RNASEH2C: variants seen among roughly 807,000 people sequenced by gnomAD.
The protein encoded by RNASEH2C is ribonuclease H2 subunit C.
Under a neutral mutation model 16.3 loss-of-function variants are expected in RNASEH2C, and 20 were observed. That is an observed-to-expected ratio of 1.23 (90% CI 0.86 to 1.79). The LOEUF is 1.79. RNASEH2C is among the 40% of genes most tolerant of loss of function. RNASEH2C has a pLI of 0.00. For synonymous variants in RNASEH2C, 106 were observed against 98.9 expected (o/e 1.07, Z -0.43); for missense variants, 296 against 235.9 (o/e 1.25, Z -1.67).
Position 65,720,311 on chromosome 11 carries a change from C to G in RNASEH2C, c.279G>C (p.Met93Ile). The G allele has an allele frequency of 6.2e-7, 1 of 1,614,156 alleles. No homozygotes were observed. Among genetic ancestry groups the G allele is most frequent in the Non-Finnish European group, 8.5e-7 (1 of 1,180,048 alleles). ...VMVTEEKKVS[M>I]GKPDPLRDSG... is the part of the protein sequence containing the mutation. ...AATCCCGCAAGGGGTCTGGCTTCCC[C>G]ATCGACACCTTCTTCTCTTCTGTCA... Residue 93 changes from methionine (M) to isoleucine (I), a missense_variant, in exon 2 of 4, where the codon ATG (methionine) becomes ATC (isoleucine). Coordinates refer to ENST00000308418, the MANE Select transcript of RNASEH2C (RefSeq NM_032193.4).
chr11:65,720,637 G>T lies in RNASEH2C; in HGVS notation c.122C>A (p.Pro41His). Residue 41 changes from proline to histidine, a missense_variant, in exon 1 of 4, where the codon CCC becomes CAC. Transcript: ENST00000308418. ...LLPCEVAVDG[P>H]APVGRFFTPA... is the part of the protein sequence containing the mutation. Reference sequence around the variant, plus strand: ...CGTGAAGAAGCGCCCCACCGGGGCGGGCCCGTCCACCGCAACCTCGCAGGG... The same window carrying T: ...CGTGAAGAAGCGCCCCACCGGGGCGTGCCCGTCCACCGCAACCTCGCAGGG... 2 of 1,563,698 alleles carry T rather than the reference G, an allele frequency of 1.3e-6. No homozygotes were observed. The highest frequency in any genetic ancestry group is 1.7e-6 in the Non-Finnish European group (2 of 1,158,952).
chr11:65,718,871 A>G lies in RNASEH2C; in HGVS notation c.*912T>C. The stretch of plus-strand genomic sequence containing the variant: ...GGGAACCTGACCTGTGCTCTCCCAC[A>G]GTGAGATTAGTGAAATCACCAGCAT... On this transcript the variant is annotated 3_prime_UTR_variant, in exon 4 of 4. Transcript: ENST00000308418. The G allele has an allele frequency of 6.2e-7, 1 of 1,614,158 alleles. No homozygotes were observed. The highest frequency in any genetic ancestry group is 8.5e-7 in the Non-Finnish European group (1 of 1,180,018).
Position 65,718,628 on chromosome 11 carries a change from CCT to C in RNASEH2C, c.*1153_*1154del. On this transcript the variant is annotated 3_prime_UTR_variant, in exon 4 of 4. Coordinates refer to ENST00000308418, the MANE Select transcript of RNASEH2C (RefSeq NM_032193.4). ...CAAAGTGGAAGGGAAAACAGGGACC[CCT>C]GAGAAGCCCCTCTCAGACCTTGGCC... 6.2e-7 allele frequency: 1 copy of C among 1,614,196 alleles called. No individual in the cohort carries two copies.
At position 65,719,244 on chromosome 11, in the gene RNASEH2C, C is replaced by T; in HGVS notation, c.*539G>A. On this transcript the variant is annotated 3_prime_UTR_variant, in exon 4 of 4. Transcript: ENST00000308418. Reference sequence around the variant, plus strand: ...GACTGGGGCTGATAGCCCACCCCGCCCCCACTGCAGCTCCCACAAAGCACT... The same window carrying T: ...GACTGGGGCTGATAGCCCACCCCGCTCCCACTGCAGCTCCCACAAAGCACT... 2 of 1,572,514 alleles carry T rather than the reference C, an allele frequency of 1.3e-6. No homozygotes were observed. The highest frequency in any genetic ancestry group is 1.7e-6 in the Non-Finnish European group (2 of 1,155,368).
In RNASEH2C at chr11:65,719,174, AGTG is replaced by A; in HGVS notation, c.*606_*608del. 6.2e-7 allele frequency: 1 copy of A among 1,613,862 alleles called. No homozygotes were observed. The highest frequency in any genetic ancestry group is 8.5e-7 in the Non-Finnish European group (1 of 1,179,954). On this transcript the variant is annotated 3_prime_UTR_variant, in exon 4 of 4. Coordinates refer to ENST00000308418, the MANE Select transcript of RNASEH2C (RefSeq NM_032193.4). ...CCCAAGGACTGGAGCAAGAGGGGGA[AGTG>A]GTGACCAGACACTGCCCACTGCAGT...
Position 65,718,643 on chromosome 11 carries a change from T to C in RNASEH2C, c.*1140A>G. On this transcript the variant is annotated 3_prime_UTR_variant, in exon 4 of 4. Transcript: ENST00000308418. The stretch of plus-strand genomic sequence containing the variant: ...AACAGGGACCCCTGAGAAGCCCCTC[T>C]CAGACCTTGGCCTCCTATCCTATCG... 6.2e-7 allele frequency: 1 copy of C among 1,614,202 alleles called. No homozygotes were observed. Among genetic ancestry groups the C allele is most frequent in the Non-Finnish European group, 8.5e-7 (1 of 1,180,036 alleles).
In RNASEH2C at chr11:65,719,509, A is replaced by G. The variant is rs1857325161; in HGVS notation, c.*274T>C. ...TGGTGATTGTAAAAATTTCTTTTGT[A>G]AAGTAGAAGTTGGGGGTGGGGTGGG... On this transcript the variant is annotated 3_prime_UTR_variant, in exon 4 of 4. Transcript: ENST00000308418. 4.9e-6 allele frequency: 3 copies of G among 611,186 alleles called. No individual in the cohort carries two copies. The highest frequency in any genetic ancestry group is 8.6e-6 in the Non-Finnish European group (3 of 347,366). 37.9% of individuals were successfully genotyped at this position (611,186 alleles called of 1,614,324 possible).
Position 65,719,775 on chromosome 11 carries a change from T to A in RNASEH2C, c.*8A>T, listed in dbSNP as rs1857334246. 1 of 1,614,120 alleles carries A rather than the reference T, an allele frequency of 6.2e-7. No homozygotes were observed. Among genetic ancestry groups the A allele is most frequent in the Non-Finnish European group, 8.5e-7 (1 of 1,179,984 alleles). The stretch of plus-strand genomic sequence containing the variant: ...GGGATCGCAGCTTTGAATTTCAAGC[T>A]CTGGTTCTCAGTCCTCGGGCACCTG... On this transcript the variant is annotated 3_prime_UTR_variant, in exon 4 of 4. Coordinates refer to ENST00000308418, the MANE Select transcript of RNASEH2C (RefSeq NM_032193.4).
chr11:65,718,305 C>A lies in RNASEH2C; in HGVS notation c.*1478G>T. On this transcript the variant is annotated 3_prime_UTR_variant, in exon 4 of 4. Transcript: ENST00000308418. The stretch of plus-strand genomic sequence containing the variant: ...TTCTTCCCATGAGCCATTTTCTCTG[C>A]ATCCCCTGCCCATAAGCCTTCACTG... The A allele has an allele frequency of 3.0e-6, 1 of 331,134 alleles. No homozygotes were observed. Among genetic ancestry groups the A allele is most frequent in the Non-Finnish European group, 5.6e-6 (1 of 179,678 alleles). 20.5% of individuals were successfully genotyped at this position (331,134 alleles called of 1,614,324 possible).
In RNASEH2C at chr11:65,720,079, C is replaced by A. The variant is rs774773395; in HGVS notation, c.434G>T (p.Arg145Leu). The A allele has an allele frequency of 6.8e-6, 11 of 1,614,140 alleles. No individual in the cohort carries two copies. The East Asian group carries it at 2.0e-4, about 29-fold the overall frequency. The change falls in exon 3 of 4, where the codon CGT becomes CTT. Residue 145 changes from arginine (R) to leucine (L), a missense_variant. Transcript: ENST00000308418. ...AAGGCTGGGCCAAGTTAAGGCCCCA[C>A]GCACTTTGGCATCCGGGCCAGGGAT... ...ETIPGPDAKV[R>L]GALTWPSLAA...
At position 65,719,308 on chromosome 11, in the gene RNASEH2C, G is replaced by A. The variant is rs2135648970; in HGVS notation, c.*475C>T. The A allele has an allele frequency of 2.5e-6, 3 of 1,190,866 alleles. No individual in the cohort carries two copies. The highest frequency in any genetic ancestry group is 3.5e-6 in the Non-Finnish European group (3 of 863,976). The allele number at this position is 1,190,866 out of a possible 1,614,324, so 73.8% of individuals were successfully genotyped here. On this transcript the variant is annotated 3_prime_UTR_variant, in exon 4 of 4. Coordinates refer to ENST00000308418, the MANE Select transcript of RNASEH2C (RefSeq NM_032193.4). The stretch of plus-strand genomic sequence containing the variant: ...GGCTGAGGACAGCTCAAAAAGGAGA[G>A]GACAGGCCTGGCAGGGGCCCACTGG...
At chr11:65,719,868 C>G in intron 3 of RNASEH2C, 59 bp from the exon 4 acceptor site, 1 of 1,610,252 alleles carries the variant, frequency 6.2e-7, no homozygotes, top group Non-Finnish European at 8.5e-7. Flanking sequence ...AGCTGGCCCC[C>G]ATACCCGAGG....
Position 65,718,819 on chromosome 11 carries a change from G to A in RNASEH2C, c.*964C>T. 6.2e-7 allele frequency: 1 copy of A among 1,613,074 alleles called. No homozygotes were observed. The highest frequency in any genetic ancestry group is 8.5e-7 in the Non-Finnish European group (1 of 1,179,248). On this transcript the variant is annotated 3_prime_UTR_variant, in exon 4 of 4. Coordinates refer to ENST00000308418, the MANE Select transcript of RNASEH2C (RefSeq NM_032193.4). ...CTGTTCCTGGGCTTTCTCTCTCAGG[G>A]CTCCTGGGGACAGATAAAGGTCCTC...
Position 65,718,603 on chromosome 11 carries a change from C to G in RNASEH2C, c.*1180G>C, listed in dbSNP as rs749844512. On this transcript the variant is annotated 3_prime_UTR_variant, in exon 4 of 4. Coordinates refer to ENST00000308418, the MANE Select transcript of RNASEH2C (RefSeq NM_032193.4). ...CCATTGCTTTAGGCTATGAACTCTC[C>G]AAAGTGGAAGGGAAAACAGGGACCC... is the stretch of plus-strand genomic sequence containing the variant. The G allele has an allele frequency of 1.2e-6, 2 of 1,614,158 alleles. No homozygotes were observed. Among genetic ancestry groups the G allele is most frequent in the Non-Finnish European group, 1.7e-6 (2 of 1,180,010 alleles).
intron 2 of RNASEH2C, 35 bp from the exon 3 acceptor site, chr11:65,720,199 A>G: frequency 1.2e-6 from 2 of 1,614,202 alleles, no homozygotes; most frequent in South Asian, 1.1e-5. Context: ...TCGGGACTAC[A>G]GCTCCCGCCC....
Position 65,719,621 on chromosome 11 carries a change from TTGG to T in RNASEH2C, c.*159_*161del. The T allele has an allele frequency of 1.3e-6, 1 of 768,216 alleles. No homozygotes were observed. The highest frequency in any genetic ancestry group is 2.0e-5 in the Admixed American group (1 of 50,046). The allele number at this position is 768,216 out of a possible 1,614,324, so 47.6% of individuals were successfully genotyped here. ...TATATGCCAGAGCCATGCAAAGTTCTTGGTGGGGAGGGGGAAAGGGCCCATGCT... is the reference window on the plus strand; with the variant it reads ...TATATGCCAGAGCCATGCAAAGTTCTTGGGGAGGGGGAAAGGGCCCATGCT... On this transcript the variant is annotated 3_prime_UTR_variant, in exon 4 of 4. Coordinates refer to ENST00000308418, the MANE Select transcript of RNASEH2C (RefSeq NM_032193.4).
chr11:65,720,449 G>A (rs1485462860), intron 1 of RNASEH2C, 32 bp from the exon 2 acceptor site: 9 of 1,610,720 alleles, frequency 5.6e-6, no homozygotes, highest in Non-Finnish European at 7.6e-6. Context: ...GCCTCAGGCA[G>A]GACCCACGCT....
rs1857321506 is a variant in RNASEH2C at position 65,719,405 on chromosome 11, C to G, written c.*378G>C. 3.2e-6 allele frequency: 2 copies of G among 620,950 alleles called. No homozygotes were observed. Among genetic ancestry groups the G allele is most frequent in the Admixed American group, 5.9e-5 (2 of 33,894 alleles). The allele number at this position is 620,950 out of a possible 1,614,324, so 38.5% of individuals were successfully genotyped here. A position where few individuals can be genotyped will look rare whatever the true frequency, so the allele number is the denominator to read the frequency against. ...AGCTGGCCACAGGCCCAGGCCTCCT[C>G]TGAAGCAGGGACCAGAGGGAGCCAG... On this transcript the variant is annotated 3_prime_UTR_variant, in exon 4 of 4. Coordinates refer to ENST00000308418, the MANE Select transcript of RNASEH2C (RefSeq NM_032193.4).
rs766165208 is a variant in RNASEH2C, at chr11:65,720,352, C to G, written c.238G>C (p.Val80Leu). The change falls in exon 2 of 4, where the codon GTG (valine) becomes CTG (leucine). Residue 80 changes from valine to leucine, a missense_variant. By Grantham distance (32) the Val-to-Leu change is conservative. Coordinates refer to ENST00000308418, the MANE Select transcript of RNASEH2C (RefSeq NM_032193.4). ...TCTTCTGTCACCATCACGTATCCCA[C>G]GAGGCCAGGCGGCACCGCCACCTCC... is the stretch of plus-strand genomic sequence containing the variant. ...GEEVAVPPGL[V>L]GYVMVTEEKK... 6.2e-7 allele frequency: 1 copy of G among 1,614,242 alleles called. No homozygotes were observed. Among genetic ancestry groups the G allele is most frequent in the Non-Finnish European group, 8.5e-7 (1 of 1,180,040 alleles).
Sources: allele counts gnomAD v4.1 joint callset, GRCh38; gene constraint gnomAD v4.1.1; transcripts MANE v1.5; gene names NCBI Gene and HGNC (gene_info 2026-07-23, HGNC 2026-07-21).